Variants in ZFHX3 observed in about 807,000 individuals in gnomAD.
ZFHX3 encodes zinc finger homeobox protein 3.
Under a neutral mutation model 279.1 loss-of-function variants are expected in ZFHX3, and 42 were observed. The observed-to-expected ratio is 0.15, with a 90% CI of 0.12 to 0.19. The LOEUF (loss-of-function observed/expected upper bound fraction) is 0.19. ZFHX3 is among the 10% of genes least tolerant of loss of function. The pLI is 1.00. For missense variants in ZFHX3, 4,981 were observed against 4,754.0 expected (o/e 1.05, Z -1.40); for synonymous variants, 2,293 against 1,957.8 (o/e 1.17, Z -4.52).
intron 1 of ZFHX3, among the ~76,000 whole-genome samples, chr16:73,722,489 A>G (rs919864447): frequency 6.6e-6 from 1 of 152,246 alleles, no homozygotes. Context: ...TTTCAAATGC[A>G]GAAGTTCTTT....
intron 1 of ZFHX3, among the ~76,000 whole-genome samples, chr16:73,872,182 G>A (rs1441695014): frequency 1.3e-5 from 2 of 151,830 alleles, no homozygotes; most frequent in African/African-American, 4.8e-5. Flanking sequence ...TCTGAATGCT[G>A]CTTATTCTCC....
rs191655213 is a variant in ZFHX3 at position 73,458,780 on chromosome 16, C to T, written c.-1546-2522G>A. On this transcript the variant is annotated intron_variant, in intron 2 of 17. Coordinates refer to the ZFHX3 transcript ENST00000641206. ...TTAGTAAAAACATTTAAAATGATTT[C>T]CGATTGTCTGCTCTGTAAACTCTTT... 4.7e-4 allele frequency among the ~76,000 whole-genome samples: 72 copies of T among 152,262 alleles called. No homozygotes were observed. The East Asian group carries it at 0.012, about 26-fold the overall frequency.
At chr16:73,696,235 G>A (rs948739319) in intron 1 of ZFHX3, among the ~76,000 whole-genome samples, 3 of 152,154 alleles carry the variant, frequency 2.0e-5, no homozygotes, top group African/African-American at 7.2e-5. Flanking sequence ...AAACAAAAAC[G>A]AACAAGTCAG....
At chr16:73,182,371 C>T (rs531003395) in intron 5 of ZFHX3, among the ~76,000 whole-genome samples, 6 of 152,212 alleles carry the variant, frequency 3.9e-5, no homozygotes, top group Non-Finnish European at 7.4e-5. Flanking sequence ...GCATGAGAAT[C>T]GCTTGAACCT....
At position 73,255,143 on chromosome 16, in the gene ZFHX3, G is replaced by A. The variant is rs556446400; in HGVS notation, c.-1104+1904C>T. On this transcript the variant is annotated intron_variant, in intron 5 of 17. Transcript: ENST00000641206. Reference sequence around the variant, plus strand: ...TCCTGAGATTGTTTCCACATTGGCAGTAATTCAACTGATAGCAACCTTATG... The same window carrying A: ...TCCTGAGATTGTTTCCACATTGGCAATAATTCAACTGATAGCAACCTTATG... Among the ~76,000 whole-genome samples the A allele has an allele frequency of 9.8e-5, 15 of 152,350 alleles. 1 individual carries two copies. In the South Asian group the frequency reaches 2.9e-3, roughly 29 times the overall value.
At chr16:73,046,155 G>T (rs1276175276) in intron 1 of ZFHX3, among the ~76,000 whole-genome samples, 1 of 152,182 alleles carries the variant, frequency 6.6e-6, no homozygotes, top group African/African-American at 2.4e-5. Context: ...CTGCAAAACA[G>T]AATGAACACA....
At chr16:73,535,087 G>T (rs1314621987) in intron 2 of ZFHX3, among the ~76,000 whole-genome samples, 1 of 151,998 alleles carries the variant, frequency 6.6e-6, no homozygotes, top group Non-Finnish European at 1.5e-5. Context: ...CGATTTCCCT[G>T]GTGTAAATTC....
At chr16:73,586,218 G>A (rs1021463578) in intron 2 of ZFHX3, among the ~76,000 whole-genome samples, 99 of 151,382 alleles carry the variant, frequency 6.5e-4, no homozygotes, top group African/African-American at 2.4e-3. Context: ...GTGAAACCCC[G>A]TCTCTGTTAA....
rs9937456 is a variant in ZFHX3 at position 73,154,584 on chromosome 16, C to T, written c.-1103-10753G>A. 4.1e-3 allele frequency among the ~76,000 whole-genome samples: 617 copies of T among 152,260 alleles called. 6 individuals carry two copies. Among genetic ancestry groups the T allele is most frequent in the African/African-American group, 0.014 (591 of 41,548 alleles). On this transcript the variant is annotated intron_variant, in intron 5 of 17. Transcript: ENST00000641206. Reference sequence around the variant, plus strand: ...GCCCAGGATGAAGCTCTTTCACAATCCTCAGGGCATTTGTGGTGACTCTGC... The same window carrying T: ...GCCCAGGATGAAGCTCTTTCACAATTCTCAGGGCATTTGTGGTGACTCTGC...
In ZFHX3 at chr16:72,796,367, C is replaced by T; in HGVS notation, c.6315G>A (p.Met2105Ile). The change falls in exon 9 of 10, where the codon ATG becomes ATA. Residue 2105 changes from methionine to isoleucine, a missense_variant. By Grantham distance (10) the Met-to-Ile change is conservative (BLOSUM62 1). Coordinates refer to ENST00000268489, the MANE Select transcript of ZFHX3 (RefSeq NM_006885.4). ...GCTGAGCCGGCAAGGTCTGCAGCGG[C>T]ATCGTCTGCATCATCAGCGGCGAGA... ...PIFSPLMMQTMPLQTLPAQLP... is the reference protein window; with the variant it reads ...PIFSPLMMQTIPLQTLPAQLP... The T allele has an allele frequency of 6.2e-7, 1 of 1,613,830 alleles. No individual in the cohort carries two copies.
At chr16:73,839,609 C>T (rs1364583713) in intron 1 of ZFHX3, among the ~76,000 whole-genome samples, 2 of 152,140 alleles carry the variant, frequency 1.3e-5, no homozygotes, top group African/African-American at 4.8e-5. Context: ...TTTTAAGTGT[C>T]CATCTTTGTG....
chr16:72,846,861 G>A (rs999977000), intron 4 of ZFHX3, among the ~76,000 whole-genome samples: 1 of 152,182 alleles, frequency 6.6e-6, no homozygotes, highest in African/African-American at 2.4e-5. Context: ...ACACAAAGAG[G>A]GGAAGCGGAC....
At position 73,510,243 on chromosome 16, in the gene ZFHX3, C is replaced by T. The variant is rs570050966; in HGVS notation, c.-1546-53985G>A. On this transcript the variant is annotated intron_variant, in intron 2 of 17. Transcript: ENST00000641206. ...TAGCATTATCACAATCTGACACTTG[C>T]CTGTTTATTTATTTTCTTGTTGTCT... Among the ~76,000 whole-genome samples, 33 of 152,194 alleles carry T rather than the reference C, an allele frequency of 2.2e-4. No homozygotes were observed. The South Asian group carries it at 6.2e-3, about 29-fold the overall frequency.
chr16:73,890,199 A>T (rs954582118), intron 1 of ZFHX3, among the ~76,000 whole-genome samples: 1 of 151,568 alleles, frequency 6.6e-6, no homozygotes, highest in Non-Finnish European at 1.5e-5. Flanking sequence ...TTCGTTGTTA[A>T]ATTTTTTCTT....
Position 72,787,715 on chromosome 16 carries a change from C to CACT in ZFHX3, c.10560_10561insAGT (p.Gly3520_Gly3521insSer), listed in dbSNP as rs367818545. On this transcript the variant is annotated inframe_insertion, in exon 10 of 10. Transcript: ENST00000268489. ...TACGAGCCGCCGCCGCCGCCGCCGC[C>CACT]GCCACCGCCGCCGCCGCCGCCACTG... 139 of 1,381,116 alleles carry CACT rather than the reference C, an allele frequency of 1.0e-4. 2 individuals carry two copies. The highest frequency in any genetic ancestry group is 2.0e-4 in the East Asian group (7 of 35,662). 85.6% of individuals were successfully genotyped at this position (1,381,116 alleles called of 1,614,324 possible).
chr16:73,252,598 G>GC lies in ZFHX3; in HGVS notation c.-1104+4448dup, dbSNP rs2013543009. ...GTTTAAGTTCAAGAAGGAAGTCAGA[G>GC]CCCCATGCAGAAGCAGCTTCAAAAG... On this transcript the variant is annotated intron_variant, in intron 5 of 17. Transcript: ENST00000641206. Among the ~76,000 whole-genome samples the GC allele has an allele frequency of 2.0e-5, 3 of 152,180 alleles. No homozygotes were observed. The South Asian group carries it at 6.2e-4, about 31-fold the overall frequency.
intron 1 of ZFHX3, among the ~76,000 whole-genome samples, chr16:73,859,040 T>A (rs997049428): frequency 6.6e-6 from 1 of 152,146 alleles, no homozygotes; most frequent in Non-Finnish European, 1.5e-5. Context: ...AGATGGTAAA[T>A]CCCCATCTTT....
At chr16:73,074,484 C>A (rs1305391430) in intron 8 of ZFHX3, among the ~76,000 whole-genome samples, 1 of 152,214 alleles carries the variant, frequency 6.6e-6, no homozygotes, top group Non-Finnish European at 1.5e-5. Context: ...AGGATAGGCA[C>A]CATATGGAGT....
At chr16:73,806,486 T>C (rs1448991341) in intron 1 of ZFHX3, among the ~76,000 whole-genome samples, 1 of 151,616 alleles carries the variant, frequency 6.6e-6, no homozygotes, top group Non-Finnish European at 1.5e-5. Context: ...TGGGGCAATA[T>C]GGGGAAAGTG....
Sources: gnomAD v4.1 joint callset for allele counts (sites outside exome capture counted in the v4.1 genomes callset) on GRCh38, gnomAD v4.1.1 for gene constraint, MANE v1.5 for transcripts, NCBI Gene and HGNC (gene_info 2026-07-23, HGNC 2026-07-21) for gene names.